Variants in SHISA9 observed in about 807,000 individuals in gnomAD.
SHISA9 encodes protein shisa-9.
A neutral mutation model predicts 38.0 loss-of-function variants in SHISA9; 13 were observed. The observed-to-expected ratio is 0.34, with a 90% CI of 0.22 to 0.54. SHISA9 has a LOEUF of 0.54. Among genes scored for constraint, SHISA9 ranks in the 20% least tolerant of loss-of-function variants. The pLI, the probability that SHISA9 is intolerant of heterozygous loss-of-function variation, is 0.91. For synonymous variants in SHISA9, 275 were observed against 242.0 expected, an observed-to-expected ratio of 1.14 and a Z score of -1.27; for missense variants, 538 against 575.8, an observed-to-expected ratio of 0.93 and a Z score of 0.67.
chr16:13,402,369 C>T, the SHISA9 span, among the ~76,000 whole-genome samples: 2 of 152,146 alleles, frequency 1.3e-5, no homozygotes, highest in African/African-American at 4.8e-5. Flanking sequence ...AAAGTTTCAA[C>T]AACTCAGAGT....
At chr16:13,004,795 G>A (rs561702868) in intron 2 of SHISA9, among the ~76,000 whole-genome samples, 31 of 151,972 alleles carry the variant, frequency 2.0e-4, no homozygotes, top group African/African-American at 5.8e-4. Flanking sequence ...AGCTGAACGC[G>A]GTGGTGGGCA....
chr16:13,070,242 T>C (rs11640418), intron 2 of SHISA9, among the ~76,000 whole-genome samples: 1 of 151,844 alleles, frequency 6.6e-6, no homozygotes. Flanking sequence ...TTTCTCCCCG[T>C]GCCCCTCATG....
intron 2 of SHISA9, among the ~76,000 whole-genome samples, chr16:13,072,821 CA>C (rs2073534468): frequency 6.6e-6 from 1 of 152,046 alleles, no homozygotes; most frequent in South Asian, 2.1e-4. Flanking sequence ...CCACCACACC[CA>C]GCTAATTTTT....
chr16:12,984,162 G>T (rs1018030608), intron 2 of SHISA9, among the ~76,000 whole-genome samples: 1 of 152,076 alleles, frequency 6.6e-6, no homozygotes, highest in Non-Finnish European at 1.5e-5. Context: ...TCACTCCATG[G>T]CCAGTGCACT....
At chr16:13,005,537 G>A (rs1002050838) in intron 2 of SHISA9, among the ~76,000 whole-genome samples, 1 of 152,182 alleles carries the variant, frequency 6.6e-6, no homozygotes, top group Non-Finnish European at 1.5e-5. Flanking sequence ...TACATCCGGA[G>A]TTTTCTTCCT....
the SHISA9 span, among the ~76,000 whole-genome samples, chr16:13,358,551 CTA>C: frequency 6.6e-6 from 1 of 152,234 alleles, no homozygotes; most frequent in Non-Finnish European, 1.5e-5. Context: ...TACAATTCCT[CTA>C]TCTCTTCCCA....
chr16:13,419,053 A>G, the SHISA9 span, among the ~76,000 whole-genome samples: 1 of 152,254 alleles, frequency 6.6e-6, no homozygotes, highest in African/African-American at 2.4e-5. Flanking sequence ...TTAATCTTAT[A>G]TAAACCCACG....
At chr16:13,422,289 AT>A in the SHISA9 span, among the ~76,000 whole-genome samples, 238 of 152,114 alleles carry the variant, frequency 1.6e-3, 5 homozygotes, top group South Asian at 0.022. Flanking sequence ...AAGTGTCAGG[AT>A]TTTTTTTTAA....
At chr16:12,956,477 G>A (rs1038111364) in intron 2 of SHISA9, among the ~76,000 whole-genome samples, 6 of 152,184 alleles carry the variant, frequency 3.9e-5, no homozygotes, top group Non-Finnish European at 7.3e-5. Flanking sequence ...ACCAACCTAA[G>A]TGTCCCTTAA....
the SHISA9 span, among the ~76,000 whole-genome samples, chr16:13,518,360 G>T: frequency 6.6e-6 from 1 of 151,952 alleles, no homozygotes; most frequent in East Asian, 1.9e-4. Flanking sequence ...GTGTGCCGCC[G>T]ACCTGAGGCA....
chr16:13,131,892 G>A (rs1415656502), intron 2 of SHISA9, among the ~76,000 whole-genome samples: 1 of 152,098 alleles, frequency 6.6e-6, no homozygotes, highest in Non-Finnish European at 1.5e-5. Flanking sequence ...TAACCACTGT[G>A]GTGGAAATAG....
the SHISA9 span, among the ~76,000 whole-genome samples, chr16:13,285,756 C>T: frequency 6.6e-6 from 1 of 152,028 alleles, no homozygotes; most frequent in Admixed American, 6.6e-5. Flanking sequence ...AATTACTTAT[C>T]CTGCTGACAA....
At chr16:13,381,127 G>A in the SHISA9 span, among the ~76,000 whole-genome samples, 1 of 152,020 alleles carries the variant, frequency 6.6e-6, no homozygotes, top group Admixed American at 6.6e-5. Context: ...GTTTTCTAAA[G>A]AGGGGATTCA....
chr16:13,304,753 A>G, the SHISA9 span, among the ~76,000 whole-genome samples: 2 of 152,182 alleles, frequency 1.3e-5, no homozygotes, highest in South Asian at 4.1e-4. Flanking sequence ...ATTCGTAGTG[A>G]GGTTAAGCAA....
At chr16:12,965,987 G>C (rs2071972989) in intron 2 of SHISA9, among the ~76,000 whole-genome samples, 1 of 152,208 alleles carries the variant, frequency 6.6e-6, no homozygotes, top group Non-Finnish European at 1.5e-5. Context: ...TCCTGACCTT[G>C]GCTGTAGCAT....
chr16:12,956,450 A>G (rs528392150), intron 2 of SHISA9, among the ~76,000 whole-genome samples: 1 of 152,330 alleles, frequency 6.6e-6, no homozygotes, highest in East Asian at 1.9e-4. Flanking sequence ...AGCACTACTC[A>G]TAATAGCAAT....
the SHISA9 span, among the ~76,000 whole-genome samples, chr16:13,322,273 T>C: frequency 6.6e-6 from 1 of 152,194 alleles, no homozygotes; most frequent in Admixed American, 6.5e-5. Context: ...TAATTGGAAA[T>C]GAGCACAGAC....
In SHISA9 at chr16:13,062,010, A is replaced by G. The variant is rs1033794396; in HGVS notation, c.692-141384A>G. On this transcript the variant is annotated intron_variant, in intron 2 of 4. Coordinates refer to ENST00000558583, the MANE Select transcript of SHISA9 (RefSeq NM_001145204.3). Reference sequence around the variant, plus strand: ...CTGGACTTGAGTGAGGCAGGCAGCAAGTAGGGAAGGCGAAGTGCCCAGTCA... The same window carrying G: ...CTGGACTTGAGTGAGGCAGGCAGCAGGTAGGGAAGGCGAAGTGCCCAGTCA... Among the ~76,000 whole-genome samples the G allele has an allele frequency of 3.3e-5, 5 of 152,290 alleles. No homozygotes were observed. The South Asian group carries it at 1.0e-3, about 32-fold the overall frequency.
the SHISA9 span, among the ~76,000 whole-genome samples, chr16:13,305,309 C>T: frequency 6.6e-6 from 1 of 152,188 alleles, no homozygotes; most frequent in African/African-American, 2.4e-5. Context: ...AATTTCGGAG[C>T]ATTTCAAATT....
Sources: allele counts gnomAD v4.1 joint callset (sites outside exome capture counted in the v4.1 genomes callset), GRCh38; gene constraint gnomAD v4.1.1; transcripts MANE v1.5; gene names NCBI Gene and HGNC (gene_info 2026-07-23, HGNC 2026-07-21).